FAM168B: variants seen among roughly 807,000 people sequenced by gnomAD.
FAM168B encodes the protein family with sequence similarity 168 member B, also known as myelin-associated neurite-outgrowth inhibitor.
A neutral mutation model predicts 21.8 loss-of-function variants in FAM168B; 19 were observed. The ratio of observed to expected loss-of-function variants is 0.87; its 90% CI spans 0.61 to 1.28. The LOEUF (loss-of-function observed/expected upper bound fraction) is 1.28. FAM168B is among the 50% of genes most tolerant of loss of function. FAM168B has a pLI of 0.00. For synonymous variants in FAM168B, 126 were observed against 104.8 expected, an observed-to-expected ratio of 1.20 and a Z score of -1.24; for missense variants, 233 against 263.1, an observed-to-expected ratio of 0.89 and a Z score of 0.79.
In FAM168B at chr2:131,071,851, A is replaced by AT. The variant is rs746479669; in HGVS notation, c.154+3dup. The AT allele has an allele frequency of 4.3e-6, 7 of 1,613,714 alleles. No homozygotes were observed. The highest frequency in any genetic ancestry group is 1.3e-5 in the African/African-American group (1 of 75,040). ...TACAAAGCATTTTACCACCCAGCACATACCTGTTTGGAAGGTAGGATTCGC... is the reference window on the plus strand; with the variant it reads ...TACAAAGCATTTTACCACCCAGCACATTACCTGTTTGGAAGGTAGGATTCGC... On this transcript the variant is annotated splice_donor_region_variant and intron_variant, in intron 3 of 6. Coordinates refer to ENST00000389915, the MANE Select transcript of FAM168B (RefSeq NM_001009993.4).
At chr2:131,079,548 A>G (rs2105557101) in intron 2 of FAM168B, among the ~76,000 whole-genome samples, 1 of 152,340 alleles carries the variant, frequency 6.6e-6, no homozygotes, top group Middle Eastern at 3.4e-3. Context: ...TGCAGCCACA[A>G]AGCCACATGC....
At chr2:131,062,097 A>C (rs189744751) in intron 3 of FAM168B, among the ~76,000 whole-genome samples, 1 of 152,354 alleles carries the variant, frequency 6.6e-6, no homozygotes, top group African/African-American at 2.4e-5. Context: ...CAACATTGCT[A>C]ATAAGAAAGT....
intron 3 of FAM168B, among the ~76,000 whole-genome samples, chr2:131,069,339 T>C (rs528814901): frequency 1.3e-5 from 2 of 152,318 alleles, no homozygotes; most frequent in South Asian, 2.1e-4. Flanking sequence ...TTGATACGTA[T>C]GCCAAAGATA....
chr2:131,093,004 C>G (rs1031307810), intron 1 of FAM168B, among the ~76,000 whole-genome samples: 2 of 151,698 alleles, frequency 1.3e-5, no homozygotes, highest in Admixed American at 1.3e-4. Context: ...CCGCGCCGCC[C>G]GGACCGCACC....
At position 131,049,390 on chromosome 2, in the gene FAM168B, G is replaced by T. The variant is rs570773520; in HGVS notation, c.*3075C>A. 6 of 985,340 alleles carry T rather than the reference G, an allele frequency of 6.1e-6. No homozygotes were observed. In the African/African-American group the frequency reaches 1.0e-4, roughly 17 times the overall value. The allele number at this position is 985,340 out of a possible 1,614,324, so 61.0% of individuals were successfully genotyped here. ...AGGTTTCCCAGAATAGCGACAGGTAGGCCTACAAACCACACCAAGAAGAAC... is the reference window on the plus strand; with the variant it reads ...AGGTTTCCCAGAATAGCGACAGGTATGCCTACAAACCACACCAAGAAGAAC... On this transcript the variant is annotated 3_prime_UTR_variant, in exon 7 of 7. Coordinates refer to ENST00000389915, the MANE Select transcript of FAM168B (RefSeq NM_001009993.4).
chr2:131,079,081 T>C (rs1693307440), intron 2 of FAM168B, among the ~76,000 whole-genome samples: 1 of 151,764 alleles, frequency 6.6e-6, no homozygotes, highest in East Asian at 1.9e-4. Context: ...TTCGGGAAAA[T>C]AATCTTCACA....
chr2:131,092,876 A>C (rs1227011707), intron 1 of FAM168B, among the ~76,000 whole-genome samples: 1 of 152,096 alleles, frequency 6.6e-6, no homozygotes, highest in Non-Finnish European at 1.5e-5. Flanking sequence ...ATTGGAAATG[A>C]CTATTGTCAC....
rs1691451891 is a variant in FAM168B, at chr2:131,048,707, TCA to T, written c.*3756_*3757del. The stretch of plus-strand genomic sequence containing the variant: ...CCCTTCAGAAAGCCAGAGGGAACAC[TCA>T]CAAATGCAGAGGTACTAGAGGGGAG... On this transcript the variant is annotated 3_prime_UTR_variant, in exon 7 of 7. Transcript: ENST00000389915. 1.0e-6 allele frequency: 1 copy of T among 989,174 alleles called. No individual in the cohort carries two copies. The allele number at this position is 989,174 out of a possible 1,614,324, so 61.3% of individuals were successfully genotyped here. A position where few individuals can be genotyped will look rare whatever the true frequency, so the allele number is the denominator to read the frequency against.
At chr2:131,087,331 G>T (rs575263777) in intron 1 of FAM168B, among the ~76,000 whole-genome samples, 1 of 152,172 alleles carries the variant, frequency 6.6e-6, no homozygotes, top group Admixed American at 6.5e-5. Context: ...AATTAGCCAG[G>T]TGTGTTGGCA....
Position 131,055,504 on chromosome 2 carries a change from C to T in FAM168B, c.297+49G>A, listed in dbSNP as rs770121760. 4 of 1,599,376 alleles carry T rather than the reference C, an allele frequency of 2.5e-6. No homozygotes were observed. The African/African-American group carries it at 5.4e-5, about 22-fold the overall frequency. ...GGGTCCCAGGGCCAAAGGATGAACG[C>T]CCAGGTGGTATCACCCCTTCCCACA... On this transcript the variant is annotated intron_variant, in intron 4 of 6. Transcript: ENST00000389915.
Position 131,049,216 on chromosome 2 carries a change from T to C in FAM168B, c.*3249A>G. On this transcript the variant is annotated 3_prime_UTR_variant, in exon 7 of 7. Transcript: ENST00000389915. ...ACACATGCAAATTATTTCCTAGACC[T>C]CATTCATCACAGCCAGATGATGCCA... The C allele has an allele frequency of 1.0e-6, 1 of 985,398 alleles. No homozygotes were observed. The highest frequency in any genetic ancestry group is 1.2e-6 in the Non-Finnish European group (1 of 829,940). 61.0% of individuals were successfully genotyped at this position (985,398 alleles called of 1,614,324 possible).
chr2:131,052,020 T>G lies in FAM168B; in HGVS notation c.*445A>C. The G allele has an allele frequency of 1.0e-6, 1 of 985,660 alleles. No individual in the cohort carries two copies. The allele number at this position is 985,660 out of a possible 1,614,324, so 61.1% of individuals were successfully genotyped here. ...TCTATGAAGAAATTCACTTTAACAC[T>G]TATAACTGTAAGACTTTGCATACAT... On this transcript the variant is annotated 3_prime_UTR_variant, in exon 7 of 7. Transcript: ENST00000389915.
At position 131,050,580 on chromosome 2, in the gene FAM168B, T is replaced by A; in HGVS notation, c.*1885A>T. Reference sequence around the variant, plus strand: ...AGTAAACATTCTATGTTAATAGACATCAGGAATAAAGAATCTGCTGTTTAC... The same window carrying A: ...AGTAAACATTCTATGTTAATAGACAACAGGAATAAAGAATCTGCTGTTTAC... On this transcript the variant is annotated 3_prime_UTR_variant, in exon 7 of 7. Transcript: ENST00000389915. The A allele has an allele frequency of 2.0e-6, 2 of 985,458 alleles. No individual in the cohort carries two copies. Among genetic ancestry groups the A allele is most frequent in the Non-Finnish European group, 2.4e-6 (2 of 829,610 alleles). The allele number at this position is 985,458 out of a possible 1,614,324, so 61.0% of individuals were successfully genotyped here.
intron 2 of FAM168B, among the ~76,000 whole-genome samples, chr2:131,076,968 C>T (rs1459564386): frequency 6.6e-6 from 1 of 152,006 alleles, no homozygotes; most frequent in Non-Finnish European, 1.5e-5. Flanking sequence ...AATCGTCTCA[C>T]ACTGCTGATA....
In FAM168B at chr2:131,071,951, A is replaced by G. The variant is rs758563659; in HGVS notation, c.71-13T>C. On this transcript the variant is annotated splice_polypyrimidine_tract_variant and intron_variant, in intron 2 of 6. Transcript: ENST00000389915. ...ATGGGAAAACCAGCTGAAGAAAAAT[A>G]AAGAACAATCTCATGTCATCAACTG... The G allele has an allele frequency of 2.5e-6, 4 of 1,612,332 alleles. No individual in the cohort carries two copies. Among genetic ancestry groups the G allele is most frequent in the South Asian group, 1.1e-5 (1 of 91,008 alleles).
chr2:131,050,565 CTA>C lies in FAM168B; in HGVS notation c.*1898_*1899del, dbSNP rs1222550319. On this transcript the variant is annotated 3_prime_UTR_variant, in exon 7 of 7. Transcript: ENST00000389915. ...TTTAAAGTACTTATCAGTAAACATT[CTA>C]TGTTAATAGACATCAGGAATAAAGA... The C allele has an allele frequency of 1.0e-6, 1 of 985,626 alleles. No homozygotes were observed. Among genetic ancestry groups the C allele is most frequent in the East Asian group, 1.1e-4 (1 of 8,828 alleles). The allele number at this position is 985,626 out of a possible 1,614,324, so 61.1% of individuals were successfully genotyped here. A position where few individuals can be genotyped will look rare whatever the true frequency, so the allele number is the denominator to read the frequency against.
In FAM168B at chr2:131,050,186, A is replaced by C. The variant is rs1201035593; in HGVS notation, c.*2279T>G. 1 of 985,368 alleles carries C rather than the reference A, an allele frequency of 1.0e-6. No homozygotes were observed. Among genetic ancestry groups the C allele is most frequent in the African/African-American group, 1.7e-5 (1 of 57,246 alleles). 61.0% of individuals were successfully genotyped at this position (985,368 alleles called of 1,614,324 possible). A position where few individuals can be genotyped will look rare whatever the true frequency, so the allele number is the denominator to read the frequency against. On this transcript the variant is annotated 3_prime_UTR_variant, in exon 7 of 7. Transcript: ENST00000389915. ...TCCTGTGTGTGCCAAGTACCAAGCA[A>C]GCCTGAAGAGATGCCTGTAACTTCT...
At chr2:131,076,469 G>C (rs1693158369) in intron 2 of FAM168B, among the ~76,000 whole-genome samples, 2 of 151,920 alleles carry the variant, frequency 1.3e-5, no homozygotes, top group Non-Finnish European at 2.9e-5. Context: ...AGACCACGAT[G>C]AAACCCCATC....
At chr2:131,090,151 C>CAAAA (rs59428455) in intron 1 of FAM168B, among the ~76,000 whole-genome samples, 3 of 119,112 alleles carry the variant, frequency 2.5e-5, no homozygotes, top group Non-Finnish European at 3.3e-5. Flanking sequence ...ACCAAAAATA[C>CAAAA]AAAAAAAAAA....
Sources: gnomAD v4.1 joint callset for allele counts (sites outside exome capture counted in the v4.1 genomes callset) on GRCh38, gnomAD v4.1.1 for gene constraint, MANE v1.5 for transcripts, NCBI Gene and HGNC (gene_info 2026-07-23, HGNC 2026-07-21) for gene names.